LNP1: variants seen among roughly 807,000 people sequenced by gnomAD.
The protein encoded by LNP1 is leukemia NUP98 fusion partner 1.
LNP1 carries 12 observed loss-of-function variants against 14.5 expected under a neutral mutation model. The ratio of observed to expected loss-of-function variants is 0.83; its 90% CI spans 0.53 to 1.34. The LOEUF (loss-of-function observed/expected upper bound fraction) is 1.34, where lower values mean the gene tolerates loss of function less well. LNP1 is among the 40% of genes most tolerant of loss of function. The probability of loss-of-function intolerance (pLI) is 0.00; values close to 1 mark genes in which losing one functional copy is unlikely to be tolerated. For synonymous variants in LNP1, 75 were observed against 71.4 expected, an observed-to-expected ratio of 1.05 and a Z score of -0.26; for missense variants, 198 against 210.9, an observed-to-expected ratio of 0.94 and a Z score of 0.38.
In LNP1 at chr3:100,429,787, T is replaced by A. The variant is rs550804248; in HGVS notation, c.58T>A (p.Phe20Ile). Residue 20 changes from phenylalanine (F) to isoleucine (I), a missense_variant, in exon 2 of 4, where the codon TTC becomes ATC. Phe to Ile is a conservative substitution (Grantham distance 21). Transcript: ENST00000383693. ...DVSFAKWMSSFWGHSWREEDQ... is the reference protein window; with the variant it reads ...DVSFAKWMSSIWGHSWREEDQ... The stretch of plus-strand genomic sequence containing the variant: ...GTCTTTTGCCAAATGGATGAGCAGC[T>A]TCTGGGGCCACAGCTGGAGAGAGGA... 8.7e-6 allele frequency: 14 copies of A among 1,613,950 alleles called. No homozygotes were observed. The African/African-American group carries it at 1.9e-4, about 22-fold the overall frequency.
intron 2 of LNP1, among the ~76,000 whole-genome samples, chr3:100,439,111 A>G (rs1707319003): frequency 6.6e-6 from 1 of 152,130 alleles, no homozygotes; most frequent in South Asian, 2.1e-4. Flanking sequence ...TTTTAAGTAC[A>G]CACTTTACGT....
At chr3:100,435,788 GAACA>G (rs1462163085) in intron 2 of LNP1, among the ~76,000 whole-genome samples, 1 of 152,130 alleles carries the variant, frequency 6.6e-6, no homozygotes, top group Non-Finnish European at 1.5e-5. Flanking sequence ...CAGGAATTTT[GAACA>G]AACATACATG....
chr3:100,428,473 A>C (rs999626459), intron 1 of LNP1, among the ~76,000 whole-genome samples: 4 of 151,736 alleles, frequency 2.6e-5, no homozygotes, highest in Admixed American at 2.0e-4. Flanking sequence ...TGGGGGTTGC[A>C]GTGAGCTGAG....
At chr3:100,405,975 A>G (rs1706961494) in intron 1 of LNP1, among the ~76,000 whole-genome samples, 1 of 152,096 alleles carries the variant, frequency 6.6e-6, no homozygotes, top group Non-Finnish European at 1.5e-5. Context: ...CGATATTAGC[A>G]CCTAGCACTA....
intron 2 of LNP1, among the ~76,000 whole-genome samples, chr3:100,431,105 T>A (rs1707238367): frequency 6.6e-6 from 1 of 152,218 alleles, no homozygotes; most frequent in Non-Finnish European, 1.5e-5. Flanking sequence ...GTATGATTAG[T>A]TTCCAGTTTC....
intron 3 of LNP1, among the ~76,000 whole-genome samples, chr3:100,452,304 G>A (rs1303187839): frequency 6.7e-6 from 1 of 149,882 alleles, no homozygotes; most frequent in Admixed American, 6.7e-5. Context: ...CTGGTCTCAC[G>A]TGTTCCTCCC....
intron 2 of LNP1, among the ~76,000 whole-genome samples, chr3:100,437,926 A>G (rs1351928366): frequency 6.6e-6 from 1 of 152,220 alleles, no homozygotes; most frequent in African/African-American, 2.4e-5. Flanking sequence ...TAATAAAGTC[A>G]CTAGTCACAT....
In LNP1 at chr3:100,429,820, A is replaced by C; in HGVS notation, c.91A>C (p.Arg31=). 1 of 1,613,948 alleles carries C rather than the reference A, an allele frequency of 6.2e-7. No individual in the cohort carries two copies. Among genetic ancestry groups the C allele is most frequent in the Non-Finnish European group, 8.5e-7 (1 of 1,179,948 alleles). ...CCACAGCTGGAGAGAGGAGGATCAG[A>C]GAGGACTCCGGGAACGCCACCGACT... The part of the protein sequence containing the change: ...WGHSWREEDQ[R]GLRERHRLQA... Residue 31 remains arginine, a synonymous_variant, in exon 2 of 4, where the codon AGA becomes CGA. Coordinates refer to ENST00000383693, the MANE Select transcript of LNP1 (RefSeq NM_001085451.2).
chr3:100,417,804 T>A (rs1237862652), intron 1 of LNP1, among the ~76,000 whole-genome samples: 2 of 152,190 alleles, frequency 1.3e-5, no homozygotes, highest in Non-Finnish European at 2.9e-5. Flanking sequence ...TTATCTATAA[T>A]GTCACTCTCC....
At chr3:100,414,594 C>T (rs1707063602) in intron 1 of LNP1, among the ~76,000 whole-genome samples, 1 of 151,828 alleles carries the variant, frequency 6.6e-6, no homozygotes, top group Non-Finnish European at 1.5e-5. Context: ...CTGCGTATAC[C>T]TGATCTAATC....
At chr3:100,439,277 TA>T (rs559849558) in intron 2 of LNP1, among the ~76,000 whole-genome samples, 120 of 140,554 alleles carry the variant, frequency 8.5e-4, no homozygotes, top group Admixed American at 1.1e-3. Flanking sequence ...CGAAAAATAC[TA>T]AAAAAAAAAA....
At chr3:100,439,657 C>T (rs538109356) in intron 2 of LNP1, among the ~76,000 whole-genome samples, 1 of 152,130 alleles carries the variant, frequency 6.6e-6, no homozygotes, top group Non-Finnish European at 1.5e-5. Flanking sequence ...TCTACCTTCT[C>T]ATTGCACCTT....
intron 2 of LNP1, among the ~76,000 whole-genome samples, chr3:100,442,130 G>A (rs1351488243): frequency 6.6e-6 from 1 of 152,076 alleles, no homozygotes; most frequent in East Asian, 1.9e-4. Flanking sequence ...TCATTTTGGA[G>A]TTTATTTTTA....
intron 2 of LNP1, among the ~76,000 whole-genome samples, chr3:100,439,903 A>C (rs1576234529): frequency 6.6e-6 from 1 of 152,108 alleles, no homozygotes; most frequent in African/African-American, 2.4e-5. Context: ...TTTGAGAGTA[A>C]GTTTCTAGGT....
At chr3:100,452,522 C>G (rs1482793935) in intron 3 of LNP1, among the ~76,000 whole-genome samples, 2 of 152,016 alleles carry the variant, frequency 1.3e-5, no homozygotes, top group Admixed American at 1.3e-4. Flanking sequence ...GTTTCTTGAG[C>G]CTGCTTTCAT....
intron 2 of LNP1, among the ~76,000 whole-genome samples, chr3:100,451,433 C>T (rs905275637): frequency 2.0e-5 from 3 of 152,150 alleles, no homozygotes; most frequent in African/African-American, 7.2e-5. Context: ...TTAGCCTCTC[C>T]AAAGGAGGCA....
chr3:100,433,273 G>A (rs903201461), intron 2 of LNP1, among the ~76,000 whole-genome samples: 5 of 152,120 alleles, frequency 3.3e-5, no homozygotes, highest in African/African-American at 1.2e-4. Flanking sequence ...CTATGTCCAT[G>A]TGTTCTCATT....
In LNP1 at chr3:100,447,773, T is replaced by C. The variant is rs183588548; in HGVS notation, c.157-3946T>C. 2.8e-3 allele frequency among the ~76,000 whole-genome samples: 428 copies of C among 152,292 alleles called. 3 individuals are homozygous for C. Among genetic ancestry groups the C allele is most frequent in the Non-Finnish European group, 4.8e-3 (328 of 68,004 alleles). ...TCTTTCTCCTGTGAAATTATTTCTCTTTAAGCTTTCTTACAAGAAAATTCC... is the reference window on the plus strand; with the variant it reads ...TCTTTCTCCTGTGAAATTATTTCTCCTTAAGCTTTCTTACAAGAAAATTCC... On this transcript the variant is annotated intron_variant, in intron 2 of 3. Transcript: ENST00000383693.
intron 1 of LNP1, among the ~76,000 whole-genome samples, chr3:100,416,488 G>A (rs939273035): frequency 1.3e-5 from 2 of 151,728 alleles, no homozygotes; most frequent in South Asian, 2.1e-4. Flanking sequence ...AATGAGAATT[G>A]GCATTTCAAG....
Sources: gnomAD v4.1 joint callset for allele counts (sites outside exome capture counted in the v4.1 genomes callset) on GRCh38, gnomAD v4.1.1 for gene constraint, MANE v1.5 for transcripts, NCBI Gene and HGNC (gene_info 2026-07-23, HGNC 2026-07-21) for gene names.